FHOD3: variants seen among roughly 807,000 people sequenced by gnomAD.
The protein encoded by FHOD3 is formin homology 2 domain containing 3.
A neutral mutation model predicts 173.0 loss-of-function variants in FHOD3; 90 were observed. The observed-to-expected ratio is 0.52, with a 90% CI of 0.44 to 0.62. The LOEUF (loss-of-function observed/expected upper bound fraction) is 0.62, where lower values mean the gene tolerates loss of function less well. FHOD3 is among the 20% of genes least tolerant of loss of function. The pLI, the probability that FHOD3 is intolerant of heterozygous loss-of-function variation, is 0.00. For synonymous variants in FHOD3, 828 were observed against 823.0 expected (o/e 1.01, Z -0.10); for missense variants, 1,945 against 2,034.7 (o/e 0.96, Z 0.85).
intron 1 of FHOD3, among the ~76,000 whole-genome samples, chr18:36,349,714 C>T (rs1322667963): frequency 1.3e-5 from 2 of 152,160 alleles, no homozygotes; most frequent in South Asian, 4.1e-4. Flanking sequence ...ATACATAAAT[C>T]GAGACGTGAC....
intron 5 of FHOD3, among the ~76,000 whole-genome samples, chr18:36,567,247 C>A (rs994579774): frequency 3.9e-5 from 6 of 151,926 alleles, no homozygotes; most frequent in African/African-American, 1.5e-4. Context: ...AAAGGGCTAC[C>A]AGTTTTAAAA....
chr18:36,639,685 T>C (rs1299077454), intron 10 of FHOD3, among the ~76,000 whole-genome samples: 2 of 142,134 alleles, frequency 1.4e-5, no homozygotes, highest in South Asian at 2.3e-4. Flanking sequence ...AAGCTGGGCG[T>C]GGTGGTGGGC....
intron 23 of FHOD3, among the ~76,000 whole-genome samples, chr18:36,745,788 C>T (rs950013552): frequency 1.3e-5 from 2 of 149,746 alleles, no homozygotes; most frequent in Non-Finnish European, 3.0e-5. Context: ...CTCATCCCCC[C>T]ACCTGCACCC....
intron 5 of FHOD3, among the ~76,000 whole-genome samples, chr18:36,522,210 A>G (rs770713250): frequency 4.6e-5 from 7 of 152,230 alleles, no homozygotes; most frequent in Admixed American, 6.5e-5. Flanking sequence ...TTAAGAGCTC[A>G]GTGAAAATGA....
chr18:36,336,247 T>G (rs923057861), intron 1 of FHOD3, among the ~76,000 whole-genome samples: 1 of 152,212 alleles, frequency 6.6e-6, no homozygotes, highest in African/African-American at 2.4e-5. Flanking sequence ...CCTTGAATGC[T>G]GAACCGGAAA....
chr18:36,360,196 G>A (rs1189113848), intron 2 of FHOD3, among the ~76,000 whole-genome samples: 1 of 152,244 alleles, frequency 6.6e-6, no homozygotes, highest in Non-Finnish European at 1.5e-5. Context: ...TGGGTATTTG[G>A]AAGGTGCAGC....
intron 9 of FHOD3, 61 bp downstream of exon 9, chr18:36,612,156 T>C: frequency 1.3e-6 from 2 of 1,567,070 alleles, no homozygotes; most frequent in African/African-American, 1.4e-5. Flanking sequence ...AAGGCTGAGA[T>C]GGCGCCTACT....
At chr18:36,584,802 A>C (rs1015635464) in intron 6 of FHOD3, among the ~76,000 whole-genome samples, 1 of 152,210 alleles carries the variant, frequency 6.6e-6, no homozygotes. Flanking sequence ...TTACTGGTAT[A>C]ATATGGAAAT....
intron 28 of FHOD3, chr18:36,779,201 C>G (rs1461498068): frequency 1.8e-6 from 1 of 550,850 alleles, no homozygotes; most frequent in Non-Finnish European, 3.2e-6. Context: ...CGCATCACTC[C>G]TCTCGGCCCT....
At chr18:36,546,488 G>A (rs1481090945) in intron 5 of FHOD3, among the ~76,000 whole-genome samples, 1 of 152,134 alleles carries the variant, frequency 6.6e-6, no homozygotes, top group Non-Finnish European at 1.5e-5. Flanking sequence ...TATCTTAGCG[G>A]CATATTAATT....
chr18:36,757,263 CAT>C (rs765607722), intron 25 of FHOD3, among the ~76,000 whole-genome samples: 16 of 152,154 alleles, frequency 1.1e-4, no homozygotes, highest in Non-Finnish European at 2.1e-4. Context: ...CAGCCTAGTC[CAT>C]GTTTTTAATG....
At chr18:36,668,865 C>G (rs2149297474) in intron 14 of FHOD3, among the ~76,000 whole-genome samples, 1 of 152,064 alleles carries the variant, frequency 6.6e-6, no homozygotes, top group Admixed American at 6.5e-5. Context: ...GACTTGGATA[C>G]TTTTAAATTT....
chr18:36,671,342 C>T (rs2037522953), intron 14 of FHOD3, among the ~76,000 whole-genome samples: 2 of 152,368 alleles, frequency 1.3e-5, no homozygotes, highest in East Asian at 3.9e-4. Flanking sequence ...TGAGGAACAC[C>T]TCCTTTGCTT....
intron 3 of FHOD3, among the ~76,000 whole-genome samples, chr18:36,380,451 CCCTCACTCCCTT>C (rs1341481388): frequency 6.7e-6 from 1 of 148,666 alleles, no homozygotes; most frequent in Non-Finnish European, 1.5e-5. Context: ...CTCCCTCCCT[CCCTCACTCCCTT>C]CCTCCCTTCA....
rs1599452972 is a variant in FHOD3, at chr18:36,512,631, T to C, written c.511+88T>C. The C allele has an allele frequency of 8.7e-6, 8 of 920,980 alleles. No individual in the cohort carries two copies. In the East Asian group the frequency reaches 1.5e-4, roughly 18 times the overall value. 57.1% of individuals were successfully genotyped at this position (920,980 alleles called of 1,614,324 possible). A position where few individuals can be genotyped will look rare whatever the true frequency, so the allele number is the denominator to read the frequency against. The stretch of plus-strand genomic sequence containing the variant: ...AGGAACTTAACTACTGAGAGCTTTT[T>C]AAAAGACTTCGATTTGAGAGTAAGG... On this transcript the variant is annotated intron_variant, in intron 5 of 28. Transcript: ENST00000590592.
intron 1 of FHOD3, among the ~76,000 whole-genome samples, chr18:36,346,754 CAT>C (rs1168664465): frequency 6.6e-6 from 1 of 152,242 alleles, no homozygotes; most frequent in African/African-American, 2.4e-5. Context: ...GTCCTGCACA[CAT>C]CTGCTCACAG....
chr18:36,638,106 G>C (rs2035022372), intron 10 of FHOD3, among the ~76,000 whole-genome samples: 1 of 152,134 alleles, frequency 6.6e-6, no homozygotes, highest in African/African-American at 2.4e-5. Context: ...CTTTCTCAAA[G>C]GGAGTATGAA....
chr18:36,399,068 AC>A (rs1291552834), intron 3 of FHOD3, among the ~76,000 whole-genome samples: 1 of 152,056 alleles, frequency 6.6e-6, no homozygotes, highest in African/African-American at 2.4e-5. Flanking sequence ...GAGTTTGGGT[AC>A]CTTGTATCTG....
At chr18:36,524,933 A>C (rs909374732) in intron 5 of FHOD3, among the ~76,000 whole-genome samples, 1 of 152,176 alleles carries the variant, frequency 6.6e-6, no homozygotes, top group African/African-American at 2.4e-5. Context: ...CAAACGAAAC[A>C]ATTAGAAATT....
Sources: gnomAD v4.1 joint callset for allele counts (sites outside exome capture counted in the v4.1 genomes callset) on GRCh38, gnomAD v4.1.1 for gene constraint, MANE v1.5 for transcripts, NCBI Gene and HGNC (gene_info 2026-07-23, HGNC 2026-07-21) for gene names.